Variants in LCP1 observed in about 807,000 individuals in gnomAD.
LCP1 encodes plastin-2.
Under a neutral mutation model 72.0 loss-of-function variants are expected in LCP1, and 23 were observed. That is an observed-to-expected ratio of 0.32 (90% CI 0.23 to 0.45). The LOEUF (loss-of-function observed/expected upper bound fraction) is 0.45. Ranked by LOEUF, LCP1 falls within the 20% of genes least tolerant of loss-of-function variation. The probability of loss-of-function intolerance (pLI) is 1.00; values close to 1 mark genes in which losing one functional copy is unlikely to be tolerated. For synonymous variants in LCP1, 245 were observed against 275.4 expected (o/e 0.89, Z 1.09); for missense variants, 571 against 748.3 (o/e 0.76, Z 2.76).
chr13:46,146,804 G>C, intron 10 of LCP1, 104 bp downstream of exon 10: 1 of 1,129,636 alleles, frequency 8.9e-7, no homozygotes, highest in Non-Finnish European at 1.3e-6. Flanking sequence ...TGGCCTGTTT[G>C]CACATGTAAA....
chr13:46,159,639 A>G lies in LCP1; in HGVS notation c.24T>C (p.Asp8=). The G allele has an allele frequency of 1.2e-6, 2 of 1,614,128 alleles. No individual in the cohort carries two copies. Residue 8 remains aspartate (D), a synonymous_variant, in exon 2 of 16, where the codon GAT becomes GAC. Transcript: ENST00000323076. ...CTTCTCTGAGCTCCATCATTTCCTC[A>G]TCGGACACTGATCCTCTGGCCATTT... MARGSVS[D]EEMMELREAF... is the part of the protein sequence containing the mutation.
chr13:46,169,062 T>G (rs1222163734), intron 1 of LCP1, among the ~76,000 whole-genome samples: 3 of 152,220 alleles, frequency 2.0e-5, no homozygotes, highest in African/African-American at 7.2e-5. Context: ...CACAGAGGCA[T>G]GAAATGACAC....
Position 46,150,896 on chromosome 13 carries a change from A to T in LCP1, c.882+40T>A, listed in dbSNP as rs776820414. ...TTTATTATTGCCCAAATTCCCCTTC[A>T]CTCCTGCAGAGAGTCATGTTCAAAC... On this transcript the variant is annotated intron_variant, in intron 8 of 15. Transcript: ENST00000323076. 1.9e-6 allele frequency: 3 copies of T among 1,582,536 alleles called. No individual in the cohort carries two copies. The South Asian group carries it at 3.4e-5, about 18-fold the overall frequency.
At chr13:46,178,454 G>A (rs1039044467) in intron 1 of LCP1, among the ~76,000 whole-genome samples, 4 of 152,102 alleles carry the variant, frequency 2.6e-5, no homozygotes, top group Admixed American at 1.3e-4. Context: ...GGAACACCAC[G>A]GCCACAGCAG....
chr13:46,146,807 C>T (rs1011696609), intron 10 of LCP1, 101 bp downstream of exon 10: 7 of 1,168,988 alleles, frequency 6.0e-6, no homozygotes, highest in Middle Eastern at 4.0e-4. Context: ...CCTGTTTGCA[C>T]ATGTAAATAG....
chr13:46,134,719 G>A (rs1285152135), intron 13 of LCP1, among the ~76,000 whole-genome samples: 1 of 152,134 alleles, frequency 6.6e-6, no homozygotes, highest in East Asian at 1.9e-4. Context: ...TTAGTCTGAA[G>A]GTAAGAATTA....
chr13:46,135,126 A>G (rs1371841652), intron 13 of LCP1, among the ~76,000 whole-genome samples: 30 of 47,798 alleles, frequency 6.3e-4, no homozygotes, highest in African/African-American at 1.9e-3. Flanking sequence ...AAAAAAAAGA[A>G]AAAAAAAAAA....
chr13:46,158,527 T>A lies in LCP1; in HGVS notation c.353A>T (p.Tyr118Phe), dbSNP rs1311691072. Reference protein sequence around the residue: ...EQSSVGTQHSYSEEEKYAFVN... With the variant: ...EQSSVGTQHSFSEEEKYAFVN... ...AACCCAGGAGTTGAGCCTACCTGAA[T>A]AGGAGTGTTGGGTGCCAACGCTAGA... is the stretch of plus-strand genomic sequence containing the variant. Residue 118 changes from tyrosine (Y) to phenylalanine (F), a missense_variant, in exon 4 of 16, where the codon TAT (tyrosine) becomes TTT (phenylalanine). Coordinates refer to ENST00000323076, the MANE Select transcript of LCP1 (RefSeq NM_002298.5). 2 of 1,613,986 alleles carry A rather than the reference T, an allele frequency of 1.2e-6. No individual in the cohort carries two copies. Among genetic ancestry groups the A allele is most frequent in the South Asian group, 1.1e-5 (1 of 91,024 alleles).
In LCP1 at chr13:46,150,997, G is replaced by T; in HGVS notation, c.821C>A (p.Ala274Asp). The T allele has an allele frequency of 6.2e-7, 1 of 1,613,770 alleles. No homozygotes were observed. Among genetic ancestry groups the T allele is most frequent in the Non-Finnish European group, 8.5e-7 (1 of 1,179,738 alleles). Residue 274 changes from alanine to aspartate, a missense_variant, in exon 8 of 16, where the codon GCT (alanine) becomes GAT (aspartate). Ala to Asp is a moderately radical substitution (Grantham distance 126). Transcript: ENST00000323076. ...LSPEELLLRW[A>D]NYHLENAGCN... Reference sequence around the variant, plus strand: ...GCCTGCATTTTCCAGGTGGTAATTAGCCCACCTCAGCAAGAGCTCTTCAGG... The same window carrying T: ...GCCTGCATTTTCCAGGTGGTAATTATCCCACCTCAGCAAGAGCTCTTCAGG...
intron 1 of LCP1, among the ~76,000 whole-genome samples, chr13:46,177,851 TTGC>T (rs201062904): frequency 3.9e-5 from 6 of 151,986 alleles, no homozygotes; most frequent in Admixed American, 2.6e-4. Context: ...ACTGATGCTG[TTGC>T]TGCTGCTGCT....
At chr13:46,173,054 A>G (rs2045912207) in intron 1 of LCP1, among the ~76,000 whole-genome samples, 1 of 152,226 alleles carries the variant, frequency 6.6e-6, no homozygotes. Flanking sequence ...GGTCCATGAA[A>G]TGTGCTTTAC....
At chr13:46,127,832 C>CCAGCCA in intron 15 of LCP1, 109 bp from the exon 16 acceptor site, 2 of 1,307,816 alleles carry the variant, frequency 1.5e-6, no homozygotes, top group Non-Finnish European at 2.1e-6. Context: ...AGAACTCACT[C>CCAGCCA]CTGCAGTGGC....
rs35095925 is a variant in LCP1 at position 46,130,588 on chromosome 13, GTT to G, written c.1751+224_1751+225del. 8.4e-3 allele frequency among the ~76,000 whole-genome samples: 1,201 copies of G among 142,832 alleles called. 21 individuals are homozygous for G. The highest frequency in any genetic ancestry group is 0.029 in the African/African-American group (1,120 of 39,070). The allele number at this position is 142,832 out of a possible 152,430, so 93.7% of individuals were successfully genotyped here. A position where few individuals can be genotyped will look rare whatever the true frequency, so the allele number is the denominator to read the frequency against. On this transcript the variant is annotated intron_variant, in intron 15 of 15. Transcript: ENST00000323076. ...ACAAGAATACTCTCATTATTGGGTT[GTT>G]TTTTTTTTTTTGTCTTGCTCCCATT...
At position 46,151,080 on chromosome 13, in the gene LCP1, TGAA is replaced by T; in HGVS notation, c.740-5_740-3del. ...CTTCTCTCAAAAGAGCAATCAGAGC[TGAA>T]GAAGCACAAAAACCACAGAAAAATA... On this transcript the variant is annotated splice_polypyrimidine_tract_variant and splice_region_variant and intron_variant, in intron 7 of 15. Transcript: ENST00000323076. 6.2e-7 allele frequency: 1 copy of T among 1,602,416 alleles called. No individual in the cohort carries two copies. The highest frequency in any genetic ancestry group is 8.5e-7 in the Non-Finnish European group (1 of 1,176,972).
chr13:46,178,351 T>C (rs1167767818), intron 1 of LCP1, among the ~76,000 whole-genome samples: 1 of 152,102 alleles, frequency 6.6e-6, no homozygotes, highest in East Asian at 1.9e-4. Context: ...GCATTGAAAC[T>C]GACAAACCAA....
chr13:46,161,453 G>T (rs1384063205), intron 1 of LCP1, among the ~76,000 whole-genome samples: 1 of 152,118 alleles, frequency 6.6e-6, no homozygotes, highest in Non-Finnish European at 1.5e-5. Context: ...CTGTCGAGGG[G>T]TTAATTGTAT....
chr13:46,164,722 C>A (rs377466985), intron 1 of LCP1, among the ~76,000 whole-genome samples: 36 of 152,334 alleles, frequency 2.4e-4, no homozygotes, highest in African/African-American at 6.0e-4. Flanking sequence ...TTACCATCAG[C>A]ATGAGCAGCA....
Position 46,166,988 on chromosome 13 carries a change from C to T in LCP1, c.-24-7302G>A, listed in dbSNP as rs567346359. On this transcript the variant is annotated intron_variant, in intron 1 of 15. Coordinates refer to ENST00000323076, the MANE Select transcript of LCP1 (RefSeq NM_002298.5). ...AAATAATTATAAATGGCCTTAAAAACAGATGGCCAGTTAAAGGGACTCTGA... is the reference window on the plus strand; with the variant it reads ...AAATAATTATAAATGGCCTTAAAAATAGATGGCCAGTTAAAGGGACTCTGA... Among the ~76,000 whole-genome samples the T allele has an allele frequency of 2.6e-5, 4 of 152,260 alleles. No individual in the cohort carries two copies. In the East Asian group the frequency reaches 7.7e-4, roughly 29 times the overall value.
At chr13:46,159,488 G>T (rs75868181) in intron 2 of LCP1, 111 bp downstream of exon 2, 6 of 824,104 alleles carry the variant, frequency 7.3e-6, no homozygotes, top group African/African-American at 5.1e-5. Flanking sequence ...AAATACTACT[G>T]GTTTCTTGTC....
Sources: gnomAD v4.1 joint callset for allele counts (sites outside exome capture counted in the v4.1 genomes callset) on GRCh38, gnomAD v4.1.1 for gene constraint, MANE v1.5 for transcripts, NCBI Gene and HGNC (gene_info 2026-07-23, HGNC 2026-07-21) for gene names.